Variants in ERBB4 observed in about 807,000 individuals in gnomAD.
The protein encoded by ERBB4 is erb-b2 receptor tyrosine kinase 4.
Under a neutral mutation model 158.0 loss-of-function variants are expected in ERBB4, and 42 were observed. The observed-to-expected ratio is 0.27, with a 90% CI of 0.21 to 0.34. ERBB4 has a LOEUF of 0.34. Among genes scored for constraint, ERBB4 ranks in the 10% least tolerant of loss-of-function variants. The pLI is 1.00. For synonymous variants in ERBB4, 583 were observed against 558.7 expected (o/e 1.04, Z -0.61); for missense variants, 1,333 against 1,624.1 (o/e 0.82, Z 3.08).
At chr2:212,441,546 A>G (rs2092254020) in intron 1 of ERBB4, among the ~76,000 whole-genome samples, 1 of 152,182 alleles carries the variant, frequency 6.6e-6, no homozygotes, top group South Asian at 2.1e-4. Context: ...TAATCTATAT[A>G]AGTAGAAACC....
intron 19 of ERBB4, among the ~76,000 whole-genome samples, chr2:211,602,167 A>G (rs2068821113): frequency 6.6e-6 from 1 of 152,006 alleles, no homozygotes; most frequent in Non-Finnish European, 1.5e-5. Context: ...GGTACAGTCC[A>G]TCCTAGTCAC....
At chr2:211,467,651 G>T (rs768624671) in intron 20 of ERBB4, among the ~76,000 whole-genome samples, 5 of 152,094 alleles carry the variant, frequency 3.3e-5, no homozygotes, top group Non-Finnish European at 5.9e-5. Context: ...CCATAGAAGT[G>T]GAAGACCATT....
At chr2:212,432,472 T>C (rs1560305339) in intron 1 of ERBB4, among the ~76,000 whole-genome samples, 1 of 152,098 alleles carries the variant, frequency 6.6e-6, no homozygotes, top group Non-Finnish European at 1.5e-5. Context: ...TCTAAAACTT[T>C]AATGGGTGCT....
In ERBB4 at chr2:211,716,604, A is replaced by T. The variant is rs953915028; in HGVS notation, c.884-2956T>A. Among the ~76,000 whole-genome samples the T allele has an allele frequency of 1.3e-4, 20 of 151,864 alleles. 1 individual carries two copies. The highest frequency in any genetic ancestry group is 4.8e-4 in the African/African-American group (20 of 41,344). On this transcript the variant is annotated intron_variant, in intron 7 of 27. Transcript: ENST00000342788. ...GGCAGGAGAATGGCGTGAACCCGGG[A>T]GGCGGAGCTTGCAGTGAGCCGAGAT...
At chr2:212,027,942 C>T (rs927370464) in intron 2 of ERBB4, among the ~76,000 whole-genome samples, 4 of 151,996 alleles carry the variant, frequency 2.6e-5, no homozygotes, top group Non-Finnish European at 5.9e-5. Flanking sequence ...AGAGATTCAA[C>T]GTACAACTCA....
intron 2 of ERBB4, among the ~76,000 whole-genome samples, chr2:211,949,519 A>G (rs1465694062): frequency 1.3e-5 from 2 of 152,204 alleles, no homozygotes; most frequent in African/African-American, 4.8e-5. Flanking sequence ...AATAAAATGT[A>G]TTATTAAAGT....
chr2:211,672,897 A>G (rs2071896860), intron 14 of ERBB4, among the ~76,000 whole-genome samples: 1 of 152,090 alleles, frequency 6.6e-6, no homozygotes. Context: ...TCTTTTCTAT[A>G]CTGTGCAATA....
intron 1 of ERBB4, among the ~76,000 whole-genome samples, chr2:212,416,620 T>C (rs977747904): frequency 2.0e-5 from 3 of 152,074 alleles, no homozygotes; most frequent in African/African-American, 7.2e-5. Context: ...AAGATTAATT[T>C]AACTCATATA....
At chr2:212,056,630 TC>T (rs1369624986) in intron 2 of ERBB4, among the ~76,000 whole-genome samples, 1 of 152,150 alleles carries the variant, frequency 6.6e-6, no homozygotes, top group Admixed American at 6.6e-5. Context: ...TATTCAACAT[TC>T]TTAAAGAAAA....
At chr2:212,182,879 G>T (rs1559677538) in intron 1 of ERBB4, among the ~76,000 whole-genome samples, 2 of 148,844 alleles carry the variant, frequency 1.3e-5, no homozygotes, top group South Asian at 2.1e-4. Context: ...TTGGGTTGAG[G>T]TTTTTTTTTA....
intron 20 of ERBB4, among the ~76,000 whole-genome samples, chr2:211,524,524 T>C (rs192355933): frequency 0.11 from 16,952 of 149,588 alleles, 1,782 homozygotes; most frequent in African/African-American, 0.27. Context: ...CCCTGCCCCG[T>C]GGGAAGGCAG....
intron 3 of ERBB4, among the ~76,000 whole-genome samples, chr2:211,823,597 T>A (rs993288015): frequency 6.6e-6 from 1 of 152,042 alleles, no homozygotes; most frequent in African/African-American, 2.4e-5. Context: ...TAGAACCTTA[T>A]GTAATCTTAT....
At chr2:211,933,568 C>A (rs923098368) in intron 3 of ERBB4, among the ~76,000 whole-genome samples, 1 of 151,964 alleles carries the variant, frequency 6.6e-6, no homozygotes. Context: ...AAAATGTATA[C>A]CTAAACATAT....
At chr2:211,689,510 T>C (rs2105991568) in intron 12 of ERBB4, among the ~76,000 whole-genome samples, 1 of 152,230 alleles carries the variant, frequency 6.6e-6, no homozygotes, top group Non-Finnish European at 1.5e-5. Context: ...AAATATAACC[T>C]TAACATAGGT....
intron 2 of ERBB4, among the ~76,000 whole-genome samples, chr2:212,112,779 C>T (rs1468422537): frequency 6.6e-6 from 1 of 152,106 alleles, no homozygotes; most frequent in Non-Finnish European, 1.5e-5. Context: ...ATGGTATTTC[C>T]GAGGTGTTAG....
At chr2:212,310,725 C>T (rs1296207053) in intron 1 of ERBB4, among the ~76,000 whole-genome samples, 1 of 148,890 alleles carries the variant, frequency 6.7e-6, no homozygotes, top group East Asian at 2.0e-4. Flanking sequence ...ATTTTATTTT[C>T]CAAAAAACCC....
chr2:212,167,120 C>T (rs1429777643), intron 1 of ERBB4, among the ~76,000 whole-genome samples: 1 of 152,036 alleles, frequency 6.6e-6, no homozygotes, highest in African/African-American at 2.4e-5. Context: ...AGAGTTTCCG[C>T]ACAGCAAAAG....
intron 6 of ERBB4, 57 bp from the exon 7 acceptor site, chr2:211,722,591 G>T: frequency 3.9e-6 from 6 of 1,549,232 alleles, no homozygotes; most frequent in Non-Finnish European, 5.3e-6. Flanking sequence ...ACTTGTTAAT[G>T]AAACGCTGCC....
intron 22 of ERBB4, among the ~76,000 whole-genome samples, chr2:211,426,964 A>G (rs943212459): frequency 6.6e-6 from 1 of 152,004 alleles, no homozygotes; most frequent in Non-Finnish European, 1.5e-5. Context: ...ACTTCTTACA[A>G]TAGTTTAGCA....
Sources: allele counts gnomAD v4.1 joint callset (sites outside exome capture counted in the v4.1 genomes callset), GRCh38; gene constraint gnomAD v4.1.1; transcripts MANE v1.5; gene names NCBI Gene and HGNC (gene_info 2026-07-23, HGNC 2026-07-21).